Variants in PCDHGA1 observed in about 807,000 individuals in gnomAD.
The protein encoded by PCDHGA1 is protocadherin gamma subfamily A, 1, also known as protocadherin gamma-A1.
A neutral mutation model predicts 58.0 loss-of-function variants in PCDHGA1; 32 were observed. That is an observed-to-expected ratio of 0.55 (90% CI 0.42 to 0.74). The LOEUF (loss-of-function observed/expected upper bound fraction) is 0.74. Among genes scored for constraint, PCDHGA1 ranks in the 30% least tolerant of loss-of-function variants. The probability of loss-of-function intolerance (pLI) is 0.00; values close to 1 mark genes in which losing one functional copy is unlikely to be tolerated. For synonymous variants in PCDHGA1, 498 were observed against 501.1 expected, an observed-to-expected ratio of 0.99 and a Z score of 0.08; for missense variants, 1,205 against 1,182.3, an observed-to-expected ratio of 1.02 and a Z score of -0.28.
At chr5:141,409,098 G>A in intron 1 of PCDHGA1, 2 of 1,613,994 alleles carry the variant, frequency 1.2e-6, no homozygotes, top group Non-Finnish European at 1.7e-6. Flanking sequence ...GAGAAAACAG[G>A]TATGATTAAG....
chr5:141,456,321 G>A (rs2098849819), intron 1 of PCDHGA1, among the ~76,000 whole-genome samples: 1 of 152,154 alleles, frequency 6.6e-6, no homozygotes, highest in African/African-American at 2.4e-5. Context: ...GGCTCCTCCT[G>A]GGGTTGATCT....
chr5:141,485,958 T>C lies in PCDHGA1; in HGVS notation c.2422-8849T>C. On this transcript the variant is annotated intron_variant, in intron 1 of 3. Transcript: ENST00000517417. The surrounding 1 kb of genome is among the most constrained non-coding windows in gnomAD (Gnocchi z 5.7). ...AGCGCACCAGCGGGCATGGTGCTCATCCAGCTCAATGCCTCAGACCCGGAC... is the reference window on the plus strand; with the variant it reads ...AGCGCACCAGCGGGCATGGTGCTCACCCAGCTCAATGCCTCAGACCCGGAC... 1 of 1,614,190 alleles carries C rather than the reference T, an allele frequency of 6.2e-7. No individual in the cohort carries two copies. The highest frequency in any genetic ancestry group is 8.5e-7 in the Non-Finnish European group (1 of 1,180,032).
At chr5:141,468,836 A>G (rs1286137807) in intron 1 of PCDHGA1, among the ~76,000 whole-genome samples, 1 of 152,170 alleles carries the variant, frequency 6.6e-6, no homozygotes, top group East Asian at 1.9e-4. Flanking sequence ...ACTGCACTCC[A>G]GCCTGGGCAA....
At chr5:141,424,129 T>G in intron 1 of PCDHGA1, 1 of 492,066 alleles carries the variant, frequency 2.0e-6, no homozygotes, top group Non-Finnish European at 2.7e-6. Context: ...TCCTGTTGAT[T>G]TAATAGCATG....
intron 1 of PCDHGA1, chr5:141,370,454 C>A: frequency 6.2e-7 from 1 of 1,611,484 alleles, no homozygotes; most frequent in Non-Finnish European, 8.5e-7. Context: ...TATTTCTCTT[C>A]CTGCTCTCTT....
chr5:141,340,598 A>G, intron 1 of PCDHGA1: 1 of 1,614,206 alleles, frequency 6.2e-7, no homozygotes, highest in Non-Finnish European at 8.5e-7. Context: ...CCCTCCACTC[A>G]GTAGCAATGT....
chr5:141,398,313 G>T lies in PCDHGA1; in HGVS notation c.2421+65208G>T, dbSNP rs1270917645. The T allele has an allele frequency of 6.6e-6, 9 of 1,358,982 alleles. No individual in the cohort carries two copies. The South Asian group carries it at 1.1e-4, about 16-fold the overall frequency. 84.2% of individuals were successfully genotyped at this position (1,358,982 alleles called of 1,614,324 possible). A position where few individuals can be genotyped will look rare whatever the true frequency, so the allele number is the denominator to read the frequency against. ...TGGGGTTCAGCGTCCAGGAGTTACC[G>T]ACTCGAAAACTGCGCGTCAGTTCGG... On this transcript the variant is annotated intron_variant, in intron 1 of 3. Transcript: ENST00000517417.
chr5:141,400,699 A>G (rs1040547233), intron 1 of PCDHGA1: 1 of 733,556 alleles, frequency 1.4e-6, no homozygotes, highest in Non-Finnish European at 2.2e-6. Flanking sequence ...TATGTCGCAT[A>G]AAAGAAGTAG....
At chr5:141,492,659 T>C (rs2099742881) in intron 1 of PCDHGA1, among the ~76,000 whole-genome samples, 1 of 152,182 alleles carries the variant, frequency 6.6e-6, no homozygotes, top group Non-Finnish European at 1.5e-5. Context: ...GTCCGGATGG[T>C]CCCGGGACTC....
intron 1 of PCDHGA1, chr5:141,405,414 T>C (rs758249146): frequency 1.1e-4 from 169 of 1,562,196 alleles, no homozygotes; most frequent in Non-Finnish European, 1.5e-4. Context: ...TTTCTTTTTT[T>C]GTTTTTTGTT....
intron 1 of PCDHGA1, chr5:141,375,679 G>A (rs1399157230): frequency 6.2e-7 from 1 of 1,614,244 alleles, no homozygotes; most frequent in Admixed American, 1.7e-5. Flanking sequence ...AGCTGTGGGT[G>A]ACAGCCAGCG....
chr5:141,361,078 T>C (rs898442312), intron 1 of PCDHGA1: 6 of 1,613,886 alleles, frequency 3.7e-6, no homozygotes, highest in Admixed American at 1.7e-5. Context: ...TGCAAGTAGT[T>C]ACACTCTGAG....
chr5:141,425,795 T>A (rs2096894407), intron 1 of PCDHGA1, among the ~76,000 whole-genome samples: 1 of 152,244 alleles, frequency 6.6e-6, no homozygotes, highest in Non-Finnish European at 1.5e-5. Flanking sequence ...TTCCAATATG[T>A]GCATTGCTTC....
intron 1 of PCDHGA1, chr5:141,361,483 C>T (rs1762043135): frequency 6.2e-7 from 1 of 1,614,026 alleles, no homozygotes; most frequent in Non-Finnish European, 8.5e-7. Context: ...CGATAATGCC[C>T]CAGTTTTCCA....
At chr5:141,404,161 ATTG>A in intron 1 of PCDHGA1, 1 of 1,613,152 alleles carries the variant, frequency 6.2e-7, no homozygotes, top group South Asian at 1.1e-5. Context: ...ATTATTACAG[ATTG>A]TTGACGGCCC....
intron 1 of PCDHGA1, among the ~76,000 whole-genome samples, chr5:141,456,073 A>G (rs1490650582): frequency 2.6e-5 from 4 of 151,252 alleles, no homozygotes; most frequent in Non-Finnish European, 5.9e-5. Flanking sequence ...AATTTTTTGT[A>G]TTTTCAGTAG....
At chr5:141,413,432 G>A (rs1193674962) in intron 1 of PCDHGA1, 1 of 1,613,992 alleles carries the variant, frequency 6.2e-7, no homozygotes, top group African/African-American at 1.3e-5. Flanking sequence ...CCGCGCAGCG[G>A]CAGCTTGATC....
chr5:141,413,283 C>G (rs377443382), intron 1 of PCDHGA1: 1 of 1,613,966 alleles, frequency 6.2e-7, no homozygotes, highest in Admixed American at 1.7e-5. Context: ...GGCAGATCTC[C>G]TACTCAATTC....
intron 1 of PCDHGA1, chr5:141,333,475 A>G (rs538148896): frequency 5.3e-5 from 18 of 339,680 alleles, no homozygotes; most frequent in Admixed American, 1.4e-4. Context: ...AATGACTAAC[A>G]CTATTTTCAA....
Sources: gnomAD v4.1 joint callset for allele counts (sites outside exome capture counted in the v4.1 genomes callset) on GRCh38, gnomAD v4.1.1 for gene constraint, Gnocchi (gnomAD v3.1) non-coding constraint, MANE v1.5 for transcripts, NCBI Gene and HGNC (gene_info 2026-07-23, HGNC 2026-07-21) for gene names.